The following GRHPR variants were observed in gnomAD, a reference collection of about 807,000 sequenced individuals.
GRHPR encodes glyoxylate and hydroxypyruvate reductase, also known as glyoxylate reductase/hydroxypyruvate reductase.
A neutral mutation model predicts 36.8 loss-of-function variants in GRHPR; 35 were observed. The ratio of observed to expected loss-of-function variants is 0.95; its 90% CI spans 0.73 to 1.26. The LOEUF (loss-of-function observed/expected upper bound fraction) is 1.26, where lower values mean the gene tolerates loss of function less well. GRHPR is among the 50% of genes most tolerant of loss of function. The probability of loss-of-function intolerance (pLI) is 0.00; values close to 1 mark genes in which losing one functional copy is unlikely to be tolerated. For missense variants in GRHPR, 380 were observed against 435.0 expected, an observed-to-expected ratio of 0.87 and a Z score of 1.12; for synonymous variants, 179 against 181.0, an observed-to-expected ratio of 0.99 and a Z score of 0.09.
chr9:37,424,005 T>C (rs1822961661), intron 1 of GRHPR, among the ~76,000 whole-genome samples: 1 of 152,228 alleles, frequency 6.6e-6, no homozygotes, highest in African/African-American at 2.4e-5. Flanking sequence ...TCACTGCATT[T>C]GATCAGGTTT....
chr9:37,432,395 G>A lies in GRHPR; in HGVS notation c.865+257G>A, dbSNP rs141797701. The A allele has an allele frequency of 1.4e-3, 582 of 415,622 alleles. 3 individuals carry two copies. The highest frequency in any genetic ancestry group is 0.011 in the African/African-American group (544 of 49,096). The allele number at this position is 415,622 out of a possible 1,614,324, so 25.7% of individuals were successfully genotyped here. A position where few individuals can be genotyped will look rare whatever the true frequency, so the allele number is the denominator to read the frequency against. The stretch of plus-strand genomic sequence containing the variant: ...GAGTGGATTTGTTTAAAAAAAAAGA[G>A]TGGGCCAGGCGTGGTGGCTCATGCC... On this transcript the variant is annotated intron_variant, in intron 8 of 8. Coordinates refer to ENST00000318158, the MANE Select transcript of GRHPR (RefSeq NM_012203.2).
At chr9:37,436,994 C>CAAGA, downstream of GRHPR, 1 of 524,648 alleles carries the variant, frequency 1.9e-6, no homozygotes, top group Non-Finnish European at 3.5e-6. Flanking sequence ...TCTGAGAGAC[C>CAAGA]GTCTTGGCCT....
chr9:37,434,140 C>T (rs1028049537), intron 8 of GRHPR: 9 of 398,790 alleles, frequency 2.3e-5, no homozygotes, highest in East Asian at 1.4e-4. Context: ...CAGCCGCCAC[C>T]GCTGCTTCTA....
At chr9:37,424,597 C>T (rs1208591635) in intron 1 of GRHPR, among the ~76,000 whole-genome samples, 3 of 152,270 alleles carry the variant, frequency 2.0e-5, no homozygotes, top group African/African-American at 7.2e-5. Flanking sequence ...CTTCTCTGTG[C>T]TGACCTGAGA....
At chr9:37,436,359 C>T (rs1414189976) in intron 8 of GRHPR, among the ~76,000 whole-genome samples, 32 of 152,256 alleles carry the variant, frequency 2.1e-4, no homozygotes, top group Non-Finnish European at 1.2e-4. Flanking sequence ...ATCTGCCTGC[C>T]TTGGCCTCTC....
rs1334548320 is a variant in GRHPR, at chr9:37,422,807, T to C, written c.57T>C (p.Gly19=). Residue 19 remains glycine, a synonymous_variant, in exon 1 of 9, where the codon GGT becomes GGC. Coordinates refer to ENST00000318158, the MANE Select transcript of GRHPR (RefSeq NM_012203.2). ...TCACCCGCAGGATACCCGCCGAGGG[T>C]AGGGTCGCGCTCGCCCGGGCGGCAG... ...VFVTRRIPAE[G]RVALARAADC... 6.2e-7 allele frequency: 1 copy of C among 1,601,964 alleles called. No individual in the cohort carries two copies.
At position 37,436,652 on chromosome 9, in the gene GRHPR, CCTTT is replaced by C; in HGVS notation, c.866-7_866-4del. On this transcript the variant is annotated splice_region_variant and splice_polypyrimidine_tract_variant and intron_variant, in intron 8 of 8. Coordinates refer to ENST00000318158, the MANE Select transcript of GRHPR (RefSeq NM_012203.2). ...CTTATCTCCCTCTCTCTCTCTCTCT[CCTTT>C]CCAGTGATTCTGCCCCACATTGGCA... The C allele has an allele frequency of 1.9e-6, 3 of 1,613,724 alleles. No homozygotes were observed. The highest frequency in any genetic ancestry group is 2.5e-6 in the Non-Finnish European group (3 of 1,179,776).
At chr9:37,432,305 C>T (rs144934839) in intron 8 of GRHPR, 167 bp downstream of exon 8, 5 of 670,708 alleles carry the variant, frequency 7.5e-6, no homozygotes, top group African/African-American at 1.8e-5. Context: ...GGGTGTATGA[C>T]AGGAGCAGTC....
chr9:37,425,115 A>G (rs1386260423), intron 2 of GRHPR, 140 bp downstream of exon 2: 1 of 842,308 alleles, frequency 1.2e-6, no homozygotes. Flanking sequence ...GAGCGGGCAG[A>G]TAGCTTGCTC....
intron 8 of GRHPR, chr9:37,434,049 C>T: frequency 2.5e-6 from 1 of 397,708 alleles, no homozygotes; most frequent in Non-Finnish European, 4.4e-6. Context: ...ACCCTAGGTC[C>T]TGGAATTCAG....
rs557323851 is a variant in GRHPR, at chr9:37,433,164, T to C, written c.865+1026T>C. Among the ~76,000 whole-genome samples the C allele has an allele frequency of 2.0e-5, 3 of 152,170 alleles. No homozygotes were observed. In the East Asian group the frequency reaches 5.8e-4, roughly 29 times the overall value. ...GTGCCCGTGCCACCGAAGTCTGAGT[T>C]GCAGCACCAGAAGTGCCTCTGGCAG... is the stretch of plus-strand genomic sequence containing the variant. On this transcript the variant is annotated intron_variant, in intron 8 of 8. Coordinates refer to ENST00000318158, the MANE Select transcript of GRHPR (RefSeq NM_012203.2).
Position 37,422,827 on chromosome 9 carries a change from C to T in GRHPR, c.77C>T (p.Ala26Val). ...GAGGGTAGGGTCGCGCTCGCCCGGG[C>T]GGCAGAGTAAGAGCCTCGCGCGCCG... ...PAEGRVALARAADCEVEQWDS... is the reference protein window; with the variant it reads ...PAEGRVALARVADCEVEQWDS... Residue 26 changes from alanine (A) to valine (V), a missense_variant, in exon 1 of 9, where the codon GCG (alanine) becomes GTG (valine). By Grantham distance (64) the Ala-to-Val change is moderately conservative (BLOSUM62 0). Transcript: ENST00000318158. The T allele has an allele frequency of 6.3e-7, 1 of 1,595,266 alleles. No homozygotes were observed. Among genetic ancestry groups the T allele is most frequent in the Non-Finnish European group, 8.5e-7 (1 of 1,172,048 alleles).
chr9:37,437,935 G>A (rs1399480715), downstream of GRHPR, among the ~76,000 whole-genome samples: 1 of 152,178 alleles, frequency 6.6e-6, no homozygotes, highest in Non-Finnish European at 1.5e-5. Context: ...GTAGCTCAAA[G>A]ACAGAAAAGG....
chr9:37,423,620 A>G (rs917935260), intron 1 of GRHPR, among the ~76,000 whole-genome samples: 4 of 152,074 alleles, frequency 2.6e-5, no homozygotes, highest in African/African-American at 7.2e-5. Flanking sequence ...TACTACAGGC[A>G]TGCACTACCA....
At chr9:37,426,821 G>A (rs1366300967) in intron 4 of GRHPR, among the ~76,000 whole-genome samples, 167 bp downstream of exon 4, 2 of 151,982 alleles carry the variant, frequency 1.3e-5, no homozygotes. Context: ...TGTGGTGGTG[G>A]GTCCCTGTAA....
chr9:37,422,702 C>A lies in GRHPR; in HGVS notation c.-49C>A. The A allele has an allele frequency of 7.0e-7, 1 of 1,423,926 alleles. No individual in the cohort carries two copies. The highest frequency in any genetic ancestry group is 9.7e-7 in the Non-Finnish European group (1 of 1,031,302). 88.2% of individuals were successfully genotyped at this position (1,423,926 alleles called of 1,614,324 possible). The stretch of plus-strand genomic sequence containing the variant: ...GCCCCGCCCCGGCCCAGCTACATTC[C>A]CGGGCCAGCTTCTGTACTGCCAGGT... On this transcript the variant is annotated 5_prime_UTR_variant, in exon 1 of 9. Transcript: ENST00000318158.
rs1823173819 is a variant in GRHPR at position 37,428,134 on chromosome 9, T to G, written c.405-350T>G. ...GCTGCCCTAAAGTGCCAAGAGAACT[T>G]GTTTTGGAATCATAAATCCTGAGTT... On this transcript the variant is annotated intron_variant, in intron 4 of 8. Coordinates refer to ENST00000318158, the MANE Select transcript of GRHPR (RefSeq NM_012203.2). 3 of 397,818 alleles carry G rather than the reference T, an allele frequency of 7.5e-6. No homozygotes were observed. The Admixed American group carries it at 1.1e-4, about 15-fold the overall frequency. The allele number at this position is 397,818 out of a possible 1,614,324, so 24.6% of individuals were successfully genotyped here. A position where few individuals can be genotyped will look rare whatever the true frequency, so the allele number is the denominator to read the frequency against.
Position 37,430,206 on chromosome 9 carries a change from G to C in GRHPR, c.599-305G>C, listed in dbSNP as rs560647486. 2.0e-5 allele frequency: 11 copies of C among 548,280 alleles called. No homozygotes were observed. The South Asian group carries it at 2.2e-4, about 11-fold the overall frequency. The allele number at this position is 548,280 out of a possible 1,614,324, so 34.0% of individuals were successfully genotyped here. A position where few individuals can be genotyped will look rare whatever the true frequency, so the allele number is the denominator to read the frequency against. On this transcript the variant is annotated intron_variant, in intron 6 of 8. Coordinates refer to ENST00000318158, the MANE Select transcript of GRHPR (RefSeq NM_012203.2). ...CCCTAGCCTTTGTGTGCGCCCCTTAGTCCAGGCGGATCCAGCACCTGGCGG... is the reference window on the plus strand; with the variant it reads ...CCCTAGCCTTTGTGTGCGCCCCTTACTCCAGGCGGATCCAGCACCTGGCGG...
chr9:37,439,459 T>C (rs564996625), downstream of GRHPR: 1 of 152,318 alleles, frequency 6.6e-6, no homozygotes, highest in South Asian at 2.1e-4. Context: ...CTGTTAAAAG[T>C]ATAGTATATA....
Sources: gnomAD v4.1 joint callset for allele counts (sites outside exome capture counted in the v4.1 genomes callset) on GRCh38, gnomAD v4.1.1 for gene constraint, MANE v1.5 for transcripts, NCBI Gene and HGNC (gene_info 2026-07-23, HGNC 2026-07-21) for gene names.